PABPC4L: variants seen among roughly 807,000 people sequenced by gnomAD.
PABPC4L encodes the protein poly(A) binding protein cytoplasmic 4 like, also known as polyadenylate-binding protein 4-like.
For synonymous variants in PABPC4L, 169 were observed against 164.1 expected, an observed-to-expected ratio of 1.03 and a Z score of -0.23; for missense variants, 452 against 451.4, an observed-to-expected ratio of 1.00 and a Z score of -0.01.
chr4:134,163,185 CAATA>C, the PABPC4L span, among the ~76,000 whole-genome samples: 1 of 151,954 alleles, frequency 6.6e-6, no homozygotes, highest in African/African-American at 2.4e-5. Context: ...TTCCAATTGA[CAATA>C]AAGAAATACA....
chr4:134,013,962 G>T, the PABPC4L span, among the ~76,000 whole-genome samples: 184 of 152,120 alleles, frequency 1.2e-3, 1 homozygote, highest in African/African-American at 4.3e-3. Context: ...CACCTGCCCA[G>T]CAATTTACTC....
the PABPC4L span, among the ~76,000 whole-genome samples, chr4:134,187,174 C>T: frequency 6.6e-6 from 1 of 152,056 alleles, no homozygotes; most frequent in South Asian, 2.1e-4. Context: ...ACCATTTGAC[C>T]CAGCCATCCC....
At chr4:134,042,313 G>A in the PABPC4L span, among the ~76,000 whole-genome samples, 1 of 152,062 alleles carries the variant, frequency 6.6e-6, no homozygotes. Context: ...GGCAGGGAGT[G>A]AAGGATGAAA....
the PABPC4L span, among the ~76,000 whole-genome samples, chr4:134,161,794 A>G: frequency 1.6e-3 from 249 of 152,262 alleles, 1 homozygote; most frequent in Non-Finnish European, 1.9e-3. Flanking sequence ...TAGCTGCAGT[A>G]AGTAAAAAAG....
chr4:134,177,595 T>C, the PABPC4L span, among the ~76,000 whole-genome samples: 282 of 152,238 alleles, frequency 1.9e-3, 1 homozygote, highest in Middle Eastern at 6.8e-3. Context: ...AGGCAGGCAA[T>C]GCTTGCTAGA....
At chr4:134,147,977 T>C in the PABPC4L span, among the ~76,000 whole-genome samples, 227 of 152,160 alleles carry the variant, frequency 1.5e-3, 3 homozygotes, top group Middle Eastern at 3.4e-3. Flanking sequence ...ACTTCATAAT[T>C]TCACTTGAGA....
At chr4:134,069,790 T>C in the PABPC4L span, among the ~76,000 whole-genome samples, 1 of 152,138 alleles carries the variant, frequency 6.6e-6, no homozygotes, top group African/African-American at 2.4e-5. Flanking sequence ...AATCTTTATT[T>C]CTGTCCATAT....
At chr4:134,051,072 C>A in the PABPC4L span, among the ~76,000 whole-genome samples, 2 of 152,044 alleles carry the variant, frequency 1.3e-5, no homozygotes, top group East Asian at 1.9e-4. Flanking sequence ...TAAAGGTTAT[C>A]AACCAGATGT....
chr4:134,199,728 A>T lies in PABPC4L; in HGVS notation c.*179T>A, dbSNP rs1272504991. 1 of 710,012 alleles carries T rather than the reference A, an allele frequency of 1.4e-6. No individual in the cohort carries two copies. The highest frequency in any genetic ancestry group is 3.5e-5 in the Admixed American group (1 of 28,866). 44.0% of individuals were successfully genotyped at this position (710,012 alleles called of 1,614,324 possible). A position where few individuals can be genotyped will look rare whatever the true frequency, so the allele number is the denominator to read the frequency against. ...GCCTCTGTAAAATGAACTAAGCTCC[A>T]TCTATTTTTCCACAAAAGAAAAAAA... On this transcript the variant is annotated 3_prime_UTR_variant, in exon 2 of 2. Coordinates refer to ENST00000421491, the MANE Select transcript of PABPC4L (RefSeq NM_001114734.2).
chr4:134,168,453 C>A, the PABPC4L span, among the ~76,000 whole-genome samples: 1 of 150,484 alleles, frequency 6.6e-6, no homozygotes, highest in Admixed American at 6.6e-5. Context: ...ACAAAAAATA[C>A]AAAAAAATTG....
chr4:134,093,067 C>T, the PABPC4L span, among the ~76,000 whole-genome samples: 1 of 151,556 alleles, frequency 6.6e-6, no homozygotes, highest in Non-Finnish European at 1.5e-5. Flanking sequence ...GTTAAAATGG[C>T]CATTTTCTCT....
the PABPC4L span, among the ~76,000 whole-genome samples, chr4:134,015,319 C>T: frequency 2.0e-5 from 3 of 152,114 alleles, no homozygotes; most frequent in Admixed American, 2.0e-4. Context: ...GCCTTATCAA[C>T]AAAATTGTTT....
At chr4:134,022,646 C>T in the PABPC4L span, among the ~76,000 whole-genome samples, 1 of 151,854 alleles carries the variant, frequency 6.6e-6, no homozygotes, top group African/African-American at 2.4e-5. Context: ...TCGACTATCA[C>T]CCTCTCCTTA....
chr4:134,142,111 G>A, the PABPC4L span, among the ~76,000 whole-genome samples: 26 of 151,768 alleles, frequency 1.7e-4, no homozygotes, highest in East Asian at 4.8e-3. Flanking sequence ...TGCCTATATG[G>A]CACAGGAAGC....
the PABPC4L span, among the ~76,000 whole-genome samples, chr4:134,165,282 A>G: frequency 6.6e-6 from 1 of 152,162 alleles, no homozygotes; most frequent in Non-Finnish European, 1.5e-5. Context: ...AAATGAATAA[A>G]TGAGACCTCA....
chr4:134,129,143 G>T, the PABPC4L span, among the ~76,000 whole-genome samples: 1 of 152,050 alleles, frequency 6.6e-6, no homozygotes, highest in Admixed American at 6.6e-5. Flanking sequence ...AAATATATAT[G>T]CACCTAACAC....
chr4:134,014,228 C>T, the PABPC4L span, among the ~76,000 whole-genome samples: 1 of 152,262 alleles, frequency 6.6e-6, no homozygotes, highest in Admixed American at 6.5e-5. Context: ...AAATTCCAGC[C>T]TCAAACCCCA....
the PABPC4L span, among the ~76,000 whole-genome samples, chr4:134,178,337 C>T: frequency 7.0e-6 from 1 of 142,314 alleles, no homozygotes; most frequent in Non-Finnish European, 1.5e-5. Context: ...CATAATTAAC[C>T]CCTCAAGGGT....
chr4:134,037,287 A>G, the PABPC4L span, among the ~76,000 whole-genome samples: 1 of 151,714 alleles, frequency 6.6e-6, no homozygotes, highest in Non-Finnish European at 1.5e-5. Context: ...GCATGGATGT[A>G]TTTTCATTTG....
Sources: gnomAD v4.1 joint callset for allele counts (sites outside exome capture counted in the v4.1 genomes callset) on GRCh38, gnomAD v4.1.1 for gene constraint, MANE v1.5 for transcripts, NCBI Gene and HGNC (gene_info 2026-07-23, HGNC 2026-07-21) for gene names.